Variants in PTPN20 observed in about 807,000 individuals in gnomAD.
PTPN20 encodes tyrosine-protein phosphatase non-receptor type 20.
In PTPN20, 9 loss-of-function variants were observed where a neutral mutation model predicts 35.0. That is an observed-to-expected ratio of 0.26 (90% CI 0.15 to 0.45). The LOEUF (loss-of-function observed/expected upper bound fraction) is 0.45. Among genes scored for constraint, PTPN20 ranks in the 20% least tolerant of loss-of-function variants. The pLI is 1.00. For synonymous variants in PTPN20, 32 were observed against 100.2 expected (o/e 0.32, Z 4.06); for missense variants, 111 against 312.5 (o/e 0.36, Z 4.86).
chr10:46,979,041 C>A (rs1555168967), intron 7 of PTPN20, among the ~76,000 whole-genome samples: 1 of 152,036 alleles, frequency 6.6e-6, no homozygotes, highest in Non-Finnish European at 1.5e-5. Flanking sequence ...AGCCAGTTTA[C>A]ACACAGAGAA....
Position 47,000,734 on chromosome 10 carries a change from T to C in PTPN20, c.1256T>C (p.Leu419Ser). The C allele has an allele frequency of 6.2e-7, 1 of 1,613,610 alleles. No individual in the cohort carries two copies. The highest frequency in any genetic ancestry group is 1.1e-5 in the South Asian group (1 of 91,068). Residue 419 changes from leucine to serine, a missense_variant, in exon 11 of 11, where the codon TTG (leucine) becomes TCG (serine). Physicochemically the swap from Leu to Ser is moderately radical, Grantham distance 145. Transcript: ENST00000374339. ...VLEVLRKLLTLD is the reference protein window; with the variant it reads ...VLEVLRKLLTSD ...GAAGTTCTTCGGAAACTTCTGACTT[T>C]GGATTAAGAAAGACTTCTGTTGCCT...
intron 8 of PTPN20, among the ~76,000 whole-genome samples, chr10:46,986,430 G>A (rs2056892243): frequency 6.7e-6 from 1 of 148,914 alleles, no homozygotes; most frequent in Non-Finnish European, 1.5e-5. Flanking sequence ...GGAAAAAGAG[G>A]TGCATTCGGG....
At chr10:46,994,322 CTTT>C (rs36049729) in intron 9 of PTPN20, among the ~76,000 whole-genome samples, 1 of 66,318 alleles carries the variant, frequency 1.5e-5, no homozygotes, top group Non-Finnish European at 2.6e-5. Flanking sequence ...CTCTGATGCT[CTTT>C]TTTTTTTTTT....
In PTPN20 at chr10:46,949,017, A is replaced by G. The variant is rs1433404738; in HGVS notation, c.340+2342A>G. ...TGTTTTCTGCACCTTCTCCAGGAATAGATGGATTTTGTTTGCTCTGTTTCC... is the reference window on the plus strand; with the variant it reads ...TGTTTTCTGCACCTTCTCCAGGAATGGATGGATTTTGTTTGCTCTGTTTCC... On this transcript the variant is annotated intron_variant, in intron 5 of 10. Transcript: ENST00000374339. Among the ~76,000 whole-genome samples, 98 of 150,900 alleles carry G rather than the reference A, an allele frequency of 6.5e-4. No individual in the cohort carries two copies. In the East Asian group the frequency reaches 0.017, roughly 26 times the overall value.
At chr10:46,924,007 T>C (rs1437148324) in intron 1 of PTPN20, among the ~76,000 whole-genome samples, 3 of 152,106 alleles carry the variant, frequency 2.0e-5, no homozygotes, top group African/African-American at 7.3e-5. Flanking sequence ...TGCTGGTTTA[T>C]AGAAAAGGAA....
At chr10:46,935,943 G>C (rs2041465738) in intron 2 of PTPN20, among the ~76,000 whole-genome samples, 1 of 150,842 alleles carries the variant, frequency 6.6e-6, no homozygotes, top group African/African-American at 2.4e-5. Flanking sequence ...CCTTTTCTCT[G>C]TAACCTCACA....
intron 5 of PTPN20, among the ~76,000 whole-genome samples, chr10:46,960,345 AC>A (rs1412601908): frequency 1.1e-5 from 1 of 89,658 alleles, no homozygotes; most frequent in African/African-American, 6.7e-5. Context: ...CCCCTCATCT[AC>A]CTTTTTTCTC....
At chr10:46,996,781 T>C (rs890102045) in intron 9 of PTPN20, among the ~76,000 whole-genome samples, 1 of 152,208 alleles carries the variant, frequency 6.6e-6, no homozygotes, top group Non-Finnish European at 1.5e-5. Flanking sequence ...CAAAAATTAT[T>C]GGGCATATTT....
intron 5 of PTPN20, among the ~76,000 whole-genome samples, chr10:46,949,538 T>C (rs2046057605): frequency 6.6e-6 from 1 of 151,986 alleles, no homozygotes; most frequent in Non-Finnish European, 1.5e-5. Flanking sequence ...ATGGGTTCAA[T>C]AAAATTTTGA....
chr10:47,000,970 T>A lies in PTPN20; in HGVS notation c.*229T>A. The A allele has an allele frequency of 8.4e-6, 5 of 591,796 alleles. No individual in the cohort carries two copies. The highest frequency in any genetic ancestry group is 1.5e-5 in the Non-Finnish European group (5 of 327,432). 36.7% of individuals were successfully genotyped at this position (591,796 alleles called of 1,614,324 possible). A position where few individuals can be genotyped will look rare whatever the true frequency, so the allele number is the denominator to read the frequency against. ...GACAATATCAAAATAACTTCCCACA[T>A]TTTCCAGTGAAACAGATGTTACATA... is the stretch of plus-strand genomic sequence containing the variant. On this transcript the variant is annotated 3_prime_UTR_variant, in exon 11 of 11. Coordinates refer to ENST00000374339, the MANE Select transcript of PTPN20 (RefSeq NM_001042357.5).
intron 8 of PTPN20, among the ~76,000 whole-genome samples, chr10:46,986,395 C>T (rs566577255): frequency 6.7e-6 from 1 of 149,158 alleles, no homozygotes; most frequent in South Asian, 2.1e-4. Context: ...GCTCTGAGCA[C>T]TAGCATCTTT....
intron 1 of PTPN20, 66 bp from the exon 2 acceptor site, chr10:46,932,311 T>C (rs1439619662): frequency 2.0e-6 from 3 of 1,538,270 alleles, no homozygotes; most frequent in Admixed American, 2.2e-5. Context: ...TGAGTAATAA[T>C]ATGTCAAAGC....
intron 9 of PTPN20, among the ~76,000 whole-genome samples, chr10:46,996,048 T>G (rs2059048516): frequency 6.6e-6 from 1 of 152,246 alleles, no homozygotes; most frequent in Non-Finnish European, 1.5e-5. Flanking sequence ...AGAAGTCCTC[T>G]CTTGTCTTTT....
chr10:46,975,302 TG>T (rs1257229336), intron 7 of PTPN20, among the ~76,000 whole-genome samples: 2 of 102,374 alleles, frequency 2.0e-5, no homozygotes, highest in African/African-American at 7.6e-5. Flanking sequence ...TATAGATAGA[TG>T]GGAAAACAAG....
At chr10:46,994,453 T>C (rs2058658429) in intron 9 of PTPN20, among the ~76,000 whole-genome samples, 1 of 147,024 alleles carries the variant, frequency 6.8e-6, no homozygotes, top group African/African-American at 2.5e-5. Flanking sequence ...TGCCTCAGCC[T>C]CCCAAGTAGC....
intron 1 of PTPN20, 115 bp from the exon 2 acceptor site, chr10:46,932,262 T>C (rs2039919803): frequency 7.9e-6 from 11 of 1,387,644 alleles, no homozygotes; most frequent in Non-Finnish European, 1.0e-5. Context: ...ATTTATTTTG[T>C]CTTTAATTAA....
At chr10:46,988,971 T>C (rs1213993197) in intron 9 of PTPN20, among the ~76,000 whole-genome samples, 1 of 144,370 alleles carries the variant, frequency 6.9e-6, no homozygotes, top group Non-Finnish European at 1.5e-5. Context: ...GCAACTGTAC[T>C]GAATTAGTTT....
At chr10:47,000,065 A>C in intron 10 of PTPN20, 91 bp downstream of exon 10, 2 of 1,548,362 alleles carry the variant, frequency 1.3e-6, no homozygotes, top group Non-Finnish European at 1.8e-6. Flanking sequence ...TCTTTTATTG[A>C]CATAATCTCA....
At chr10:46,940,791 T>C (rs1205231396) in intron 3 of PTPN20, 74 bp downstream of exon 3, 2 of 1,315,694 alleles carry the variant, frequency 1.5e-6, no homozygotes, top group African/African-American at 3.1e-5. Context: ...CTCTGGGAAA[T>C]GGGTATCTAT....
Sources: allele counts gnomAD v4.1 joint callset (sites outside exome capture counted in the v4.1 genomes callset), GRCh38; gene constraint gnomAD v4.1.1; transcripts MANE v1.5; gene names NCBI Gene and HGNC (gene_info 2026-07-23, HGNC 2026-07-21).